KCND3: variants seen among roughly 807,000 people sequenced by gnomAD.
The protein encoded by KCND3 is potassium voltage-gated channel subfamily D member 3.
KCND3 carries 9 observed loss-of-function variants against 51.1 expected under a neutral mutation model. The ratio of observed to expected loss-of-function variants is 0.18; its 90% CI spans 0.11 to 0.31. KCND3 has a LOEUF of 0.31. Among genes scored for constraint, KCND3 ranks in the 10% least tolerant of loss-of-function variants. KCND3 has a pLI of 1.00. For synonymous variants in KCND3, 349 were observed against 368.0 expected (o/e 0.95, Z 0.59); for missense variants, 526 against 903.8 (o/e 0.58, Z 5.36).
At chr1:111,909,585 T>G (rs367694352) in intron 2 of KCND3, 8 of 152,208 alleles carry the variant, frequency 5.3e-5, no homozygotes, top group Admixed American at 1.3e-4. Flanking sequence ...TTCTTTTCGG[T>G]GCCGAGAAGG....
At chr1:111,921,681 G>A (rs1043204264) in intron 2 of KCND3, among the ~76,000 whole-genome samples, 6 of 152,186 alleles carry the variant, frequency 3.9e-5, no homozygotes, top group Admixed American at 6.5e-5. Context: ...GGAGGACTGG[G>A]GATGCAGTAC....
rs79762621 is a variant in KCND3, at chr1:111,822,354, C to T, written c.1107-35248G>A. ...CCAGAGCTCTTTTCATCTTCCCAAA[C>T]TGAAACTCCATACCCTCTCTTCTTG... On this transcript the variant is annotated intron_variant, in intron 2 of 7. Coordinates refer to ENST00000302127, the MANE Select transcript of KCND3 (RefSeq NM_001378969.1). 3.8e-3 allele frequency among the ~76,000 whole-genome samples: 576 copies of T among 152,244 alleles called. 5 individuals are homozygous for T. Among genetic ancestry groups the T allele is most frequent in the African/African-American group, 0.013 (540 of 41,532 alleles).
intron 2 of KCND3, among the ~76,000 whole-genome samples, chr1:111,802,533 A>G (rs1665364362): frequency 1.3e-5 from 2 of 152,214 alleles, no homozygotes; most frequent in African/African-American, 4.8e-5. Context: ...CTTCAGCTGT[A>G]AAATTGAGAA....
intron 2 of KCND3, among the ~76,000 whole-genome samples, chr1:111,873,259 G>A (rs561353373): frequency 6.6e-6 from 1 of 152,320 alleles, no homozygotes; most frequent in South Asian, 2.1e-4. Flanking sequence ...TGGTACAAAG[G>A]ATGAAGCACT....
At chr1:111,862,676 T>C (rs1435644148) in intron 2 of KCND3, among the ~76,000 whole-genome samples, 4 of 152,226 alleles carry the variant, frequency 2.6e-5, no homozygotes, top group African/African-American at 4.8e-5. Context: ...CAGTTACTAG[T>C]TGGATGACCT....
At chr1:111,891,150 C>T (rs1255801294) in intron 2 of KCND3, among the ~76,000 whole-genome samples, 2 of 152,132 alleles carry the variant, frequency 1.3e-5, no homozygotes, top group Non-Finnish European at 2.9e-5. Context: ...TCTGAGGCCA[C>T]CTACTTCATA....
chr1:111,927,219 GC>G (rs1353639813), intron 2 of KCND3, among the ~76,000 whole-genome samples: 1 of 152,296 alleles, frequency 6.6e-6, no homozygotes, highest in East Asian at 1.9e-4. Flanking sequence ...AGATGGGGCT[GC>G]CCCCCAGTGG....
intron 2 of KCND3, among the ~76,000 whole-genome samples, chr1:111,838,225 T>C (rs1667156369): frequency 6.6e-6 from 1 of 152,246 alleles, no homozygotes; most frequent in Admixed American, 6.5e-5. Context: ...GGAATTCTTC[T>C]AGATGTCTCT....
chr1:111,841,823 T>C (rs896231647), intron 2 of KCND3, among the ~76,000 whole-genome samples: 1 of 152,222 alleles, frequency 6.6e-6, no homozygotes, highest in South Asian at 2.1e-4. Flanking sequence ...CTTTAATGTC[T>C]CATTTCAGTG....
At chr1:111,860,927 C>T (rs1315763777) in intron 2 of KCND3, among the ~76,000 whole-genome samples, 2 of 152,206 alleles carry the variant, frequency 1.3e-5, no homozygotes, top group South Asian at 2.1e-4. Flanking sequence ...TCAGTAAACA[C>T]TTAGCTCCCA....
At chr1:111,855,397 G>A (rs1668018605) in intron 2 of KCND3, among the ~76,000 whole-genome samples, 1 of 152,176 alleles carries the variant, frequency 6.6e-6, no homozygotes, top group Non-Finnish European at 1.5e-5. Context: ...TCCAGCAAGT[G>A]CAACCCAGGG....
chr1:111,821,603 A>T (rs1182998075), intron 2 of KCND3, among the ~76,000 whole-genome samples: 1 of 152,120 alleles, frequency 6.6e-6, no homozygotes, highest in African/African-American at 2.4e-5. Context: ...CTAAGAGGTA[A>T]GCTGAAGGCT....
chr1:111,950,059 T>C (rs1028856917), intron 2 of KCND3, among the ~76,000 whole-genome samples: 3 of 152,108 alleles, frequency 2.0e-5, no homozygotes, highest in African/African-American at 7.2e-5. Flanking sequence ...TACAGGTGCA[T>C]GCCACCATAC....
At chr1:111,796,483 T>C (rs1283062708) in intron 2 of KCND3, among the ~76,000 whole-genome samples, 2 of 152,042 alleles carry the variant, frequency 1.3e-5, no homozygotes, top group East Asian at 1.9e-4. Context: ...TGCAGGAACA[T>C]GGATGGAGCT....
At chr1:111,789,896 T>C (rs1664758126) in intron 2 of KCND3, among the ~76,000 whole-genome samples, 1 of 152,154 alleles carries the variant, frequency 6.6e-6, no homozygotes, top group Non-Finnish European at 1.5e-5. Flanking sequence ...TGGAGGAGTG[T>C]GGTGTGGATA....
At chr1:111,978,763 G>C (rs1674781688) in intron 2 of KCND3, among the ~76,000 whole-genome samples, 1 of 152,190 alleles carries the variant, frequency 6.6e-6, no homozygotes, top group African/African-American at 2.4e-5. Flanking sequence ...ACCTTCTAGA[G>C]AGGACAAGTA....
At chr1:111,909,393 C>G (rs1670816000) in intron 2 of KCND3, 1 of 152,194 alleles carries the variant, frequency 6.6e-6, no homozygotes, top group Non-Finnish European at 1.5e-5. Context: ...CCTGCCTAAT[C>G]TCGGCCAAGG....
chr1:111,817,391 C>T (rs1666146827), intron 2 of KCND3, among the ~76,000 whole-genome samples: 1 of 152,056 alleles, frequency 6.6e-6, no homozygotes, highest in African/African-American at 2.4e-5. Flanking sequence ...TGTCCAAGAC[C>T]AAAAGTGGCC....
At chr1:111,966,120 G>A (rs756611091) in intron 2 of KCND3, among the ~76,000 whole-genome samples, 1 of 152,136 alleles carries the variant, frequency 6.6e-6, no homozygotes, top group Non-Finnish European at 1.5e-5. Context: ...TCTGCACACT[G>A]GAAGGAAAGT....
Sources: gnomAD v4.1 joint callset for allele counts (sites outside exome capture counted in the v4.1 genomes callset) on GRCh38, gnomAD v4.1.1 for gene constraint, MANE v1.5 for transcripts, NCBI Gene and HGNC (gene_info 2026-07-23, HGNC 2026-07-21) for gene names.